The following TLN2 variants were observed in gnomAD, a reference collection of about 807,000 sequenced individuals.
TLN2 encodes talin 2, also known as talin-2.
TLN2 carries 118 observed loss-of-function variants against 294.7 expected under a neutral mutation model. The observed-to-expected ratio is 0.40, with a 90% CI of 0.34 to 0.47. TLN2 has a LOEUF of 0.47. Among genes scored for constraint, TLN2 ranks in the 20% least tolerant of loss-of-function variants. The pLI, the probability that TLN2 is intolerant of heterozygous loss-of-function variation, is 0.84. For missense variants in TLN2, 3,083 were observed against 3,282.2 expected (o/e 0.94, Z 1.48); for synonymous variants, 1,431 against 1,304.5 (o/e 1.10, Z -2.09).
chr15:62,414,164 CTATATA>C lies in TLN2; in HGVS notation c.-238+23502_-238+23507del, dbSNP rs780803268. ...AGTGAAGTGTTAGCAAAAAAAAAAA[CTATATA>C]TATATATATATATATATATATAATT... On this transcript the variant is annotated intron_variant, in intron 1 of 58. Transcript: ENST00000636159. 1.0e-3 allele frequency among the ~76,000 whole-genome samples: 91 copies of C among 90,624 alleles called. 13 individuals are homozygous for C. The highest frequency in any genetic ancestry group is 3.3e-3 in the Admixed American group (21 of 6,324). The allele number at this position is 90,624 out of a possible 152,430, so 59.5% of individuals were successfully genotyped here.
chr15:62,634,266 G>T (rs1423354560), intron 3 of TLN2, among the ~76,000 whole-genome samples: 1 of 152,160 alleles, frequency 6.6e-6, no homozygotes, highest in African/African-American at 2.4e-5. Flanking sequence ...CATTGATGAG[G>T]CCCCTTTCCA....
At chr15:62,477,936 G>T (rs1309429364) in intron 1 of TLN2, among the ~76,000 whole-genome samples, 1 of 151,020 alleles carries the variant, frequency 6.6e-6, no homozygotes, top group Non-Finnish European at 1.5e-5. Context: ...GGGGAGCGGG[G>T]CGTTGCAGGC....
intron 1 of TLN2, among the ~76,000 whole-genome samples, chr15:62,497,845 G>T (rs2456474): frequency 0.13 from 19,370 of 152,062 alleles, 1,822 homozygotes; most frequent in East Asian, 0.43. Context: ...CTGCTTTTAT[G>T]TTATATAGCA....
chr15:62,702,342 G>C (rs1595717798), intron 18 of TLN2, 142 bp downstream of exon 18: 2 of 968,174 alleles, frequency 2.1e-6, no homozygotes, highest in East Asian at 2.6e-5. Flanking sequence ...TGGAGTTGTG[G>C]AACTGGGTGC....
At chr15:62,600,185 A>G (rs2046871968) in intron 2 of TLN2, among the ~76,000 whole-genome samples, 1 of 152,130 alleles carries the variant, frequency 6.6e-6, no homozygotes. Flanking sequence ...TGTCACCTAG[A>G]ATGAAGTCTT....
At chr15:62,640,397 C>T (rs577437378) in intron 3 of TLN2, 19 of 455,214 alleles carry the variant, frequency 4.2e-5, no homozygotes, top group Admixed American at 1.9e-4. Flanking sequence ...CGGTGGCCAG[C>T]TCTTACTCTT....
chr15:62,462,069 A>G (rs1397891105), intron 1 of TLN2, among the ~76,000 whole-genome samples: 1 of 151,798 alleles, frequency 6.6e-6, no homozygotes, highest in Non-Finnish European at 1.5e-5. Context: ...AAAAATACAA[A>G]ATACAAAATA....
intron 1 of TLN2, among the ~76,000 whole-genome samples, chr15:62,516,992 A>T (rs1456112757): frequency 2.0e-5 from 3 of 152,204 alleles, no homozygotes; most frequent in Non-Finnish European, 2.9e-5. Context: ...GATGCTGTAG[A>T]TTGAAGATAT....
intron 3 of TLN2, among the ~76,000 whole-genome samples, chr15:62,631,589 C>G (rs1018628765): frequency 7.1e-5 from 8 of 112,036 alleles, no homozygotes; most frequent in Non-Finnish European, 1.3e-4. Context: ...TCTCTCTCTT[C>G]TTTCACTCTC....
chr15:62,633,703 T>C (rs545261729), intron 3 of TLN2, among the ~76,000 whole-genome samples: 9 of 152,356 alleles, frequency 5.9e-5, no homozygotes, highest in Admixed American at 2.0e-4. Flanking sequence ...ATATTTAGGC[T>C]TACTGCACTT....
rs745341172 is a variant in TLN2, at chr15:62,647,342, G to A, written c.32G>A (p.Arg11His). 14 of 1,614,078 alleles carry A rather than the reference G, an allele frequency of 8.7e-6. No homozygotes were observed. In the Middle Eastern group the frequency reaches 8.2e-4, roughly 95 times the overall value. Residue 11 changes from arginine to histidine, a missense_variant, in exon 4 of 59, where the codon CGC becomes CAC. Arg to His is a conservative substitution (Grantham distance 29). Transcript: ENST00000636159. MVALSLKICV[R>H]HCNVVKTMQF... ...GCCCTGTCCTTAAAGATTTGTGTGC[G>A]CCACTGCAACGTGGTGAAGACCATG... is the stretch of plus-strand genomic sequence containing the variant.
At chr15:62,774,234 G>A (rs1054561352) in intron 42 of TLN2, among the ~76,000 whole-genome samples, 4 of 152,156 alleles carry the variant, frequency 2.6e-5, no homozygotes, top group African/African-American at 9.7e-5. Flanking sequence ...CTTTGTATTT[G>A]AAGTGCTGTA....
chr15:62,391,180 G>A (rs1014066620), intron 1 of TLN2, among the ~76,000 whole-genome samples: 1 of 152,260 alleles, frequency 6.6e-6, no homozygotes, highest in South Asian at 2.1e-4. Context: ...GGACTCCAGC[G>A]CCACTTTGCA....
At chr15:62,742,279 G>A (rs2061383788) in intron 32 of TLN2, among the ~76,000 whole-genome samples, 1 of 152,032 alleles carries the variant, frequency 6.6e-6, no homozygotes. Context: ...GTGGGGTTGG[G>A]GGTGATGTCT....
chr15:62,813,635 C>A (rs371227834), intron 52 of TLN2, among the ~76,000 whole-genome samples: 1 of 151,988 alleles, frequency 6.6e-6, no homozygotes, highest in Non-Finnish European at 1.5e-5. Context: ...ATTAGGATCA[C>A]GGTAATGCTA....
chr15:62,457,696 A>T (rs2140333131), intron 1 of TLN2, among the ~76,000 whole-genome samples: 1 of 152,228 alleles, frequency 6.6e-6, no homozygotes, highest in East Asian at 1.9e-4. Context: ...CAGCAGAGGG[A>T]CTTGACAAAG....
At chr15:62,402,778 A>G (rs773259001) in intron 1 of TLN2, among the ~76,000 whole-genome samples, 3 of 152,180 alleles carry the variant, frequency 2.0e-5, no homozygotes, top group Non-Finnish European at 4.4e-5. Context: ...TACTTTCATC[A>G]TCTTCCTATA....
At chr15:62,632,483 G>C (rs1167242611) in intron 3 of TLN2, among the ~76,000 whole-genome samples, 1 of 152,100 alleles carries the variant, frequency 6.6e-6, no homozygotes, top group Non-Finnish European at 1.5e-5. Context: ...TGTCCTCCCC[G>C]AGCCCTGTGG....
intron 1 of TLN2, among the ~76,000 whole-genome samples, chr15:62,418,693 A>C (rs1225140810): frequency 1.3e-5 from 2 of 152,148 alleles, no homozygotes; most frequent in African/African-American, 4.8e-5. Context: ...ATAGGTTTTG[A>C]GATAGGCGCT....
Sources: allele counts gnomAD v4.1 joint callset (sites outside exome capture counted in the v4.1 genomes callset), GRCh38; gene constraint gnomAD v4.1.1; transcripts MANE v1.5; gene names NCBI Gene and HGNC (gene_info 2026-07-23, HGNC 2026-07-21).